The following NRXN3 variants were observed in gnomAD, a reference collection of about 807,000 sequenced individuals.
The protein encoded by NRXN3 is neurexin III.
Under a neutral mutation model 137.6 loss-of-function variants are expected in NRXN3, and 32 were observed. The observed-to-expected ratio is 0.23, with a 90% CI of 0.18 to 0.31. The LOEUF (loss-of-function observed/expected upper bound fraction) is 0.31, where lower values mean the gene tolerates loss of function less well. NRXN3 is among the 10% of genes least tolerant of loss of function. The pLI is 1.00. For missense variants in NRXN3, 1,574 were observed against 2,062.5 expected, an observed-to-expected ratio of 0.76 and a Z score of 4.59; for synonymous variants, 798 against 784.5, an observed-to-expected ratio of 1.02 and a Z score of -0.29.
chr14:79,845,045 G>A (rs1284249635), intron 20 of NRXN3, among the ~76,000 whole-genome samples: 1 of 152,022 alleles, frequency 6.6e-6, no homozygotes. Context: ...TTATGAAGAT[G>A]GCTTTTTTTT....
intron 4 of NRXN3, among the ~76,000 whole-genome samples, chr14:78,333,928 A>G (rs1336432877): frequency 6.6e-6 from 1 of 152,018 alleles, no homozygotes; most frequent in East Asian, 1.9e-4. Flanking sequence ...GTTGGGCTAG[A>G]GTGGCTGCAG....
intron 10 of NRXN3, among the ~76,000 whole-genome samples, chr14:78,931,356 A>G (rs942605940): frequency 6.6e-6 from 1 of 152,188 alleles, no homozygotes; most frequent in Non-Finnish European, 1.5e-5. Flanking sequence ...CCTACCAGCA[A>G]TACTGTTCTC....
At chr14:79,470,100 G>T (rs12147236) in intron 16 of NRXN3, among the ~76,000 whole-genome samples, 1 of 152,136 alleles carries the variant, frequency 6.6e-6, no homozygotes, top group Non-Finnish European at 1.5e-5. Context: ...GAGAGAAAGA[G>T]CTTTGGGGCC....
At chr14:79,600,796 G>A (rs1374527831) in intron 16 of NRXN3, among the ~76,000 whole-genome samples, 4 of 152,026 alleles carry the variant, frequency 2.6e-5, no homozygotes, top group South Asian at 2.1e-4. Context: ...TTGGAAAAAT[G>A]GCTAATTCTA....
At chr14:79,350,660 T>C (rs1566880161) in intron 15 of NRXN3, among the ~76,000 whole-genome samples, 1 of 152,154 alleles carries the variant, frequency 6.6e-6, no homozygotes, top group Non-Finnish European at 1.5e-5. Flanking sequence ...AAGCCCATTT[T>C]CTTGATTCCT....
chr14:78,819,003 G>A (rs1428789261), intron 10 of NRXN3, among the ~76,000 whole-genome samples: 1 of 152,094 alleles, frequency 6.6e-6, no homozygotes, highest in Non-Finnish European at 1.5e-5. Flanking sequence ...CATTTCTCAT[G>A]ATGGGGCCCT....
At chr14:78,399,553 A>G (rs1263010714) in intron 4 of NRXN3, among the ~76,000 whole-genome samples, 1 of 152,098 alleles carries the variant, frequency 6.6e-6, no homozygotes, top group Admixed American at 6.6e-5. Flanking sequence ...AGAATTTTCC[A>G]TTTCTCTGTC....
At chr14:79,860,345 T>C (rs2141938579) in intron 20 of NRXN3, among the ~76,000 whole-genome samples, 1 of 152,346 alleles carries the variant, frequency 6.6e-6, no homozygotes, top group Admixed American at 6.5e-5. Context: ...CATACAAATA[T>C]TAGACTAATG....
At chr14:79,302,434 G>A (rs115765865) in intron 15 of NRXN3, among the ~76,000 whole-genome samples, 3,190 of 151,996 alleles carry the variant, frequency 0.021, 128 homozygotes, top group African/African-American at 0.073. Flanking sequence ...GGGCAGGTAC[G>A]TCACATGGCA....
At chr14:79,786,172 C>T (rs572121982) in intron 19 of NRXN3, among the ~76,000 whole-genome samples, 13 of 152,238 alleles carry the variant, frequency 8.5e-5, no homozygotes, top group African/African-American at 2.2e-4. Context: ...GTGACAGCCA[C>T]AAAAGAGAAT....
At chr14:78,417,182 T>C (rs974629251) in intron 4 of NRXN3, among the ~76,000 whole-genome samples, 1 of 152,216 alleles carries the variant, frequency 6.6e-6, no homozygotes, top group African/African-American at 2.4e-5. Flanking sequence ...TAGCTTAGCT[T>C]ACAAGGCTCT....
At chr14:79,052,451 G>A (rs564244645) in intron 15 of NRXN3, among the ~76,000 whole-genome samples, 40 of 152,236 alleles carry the variant, frequency 2.6e-4, no homozygotes, top group Admixed American at 2.3e-3. Context: ...AAAACCCCTC[G>A]CAGTTACACT....
At chr14:78,436,936 G>C (rs1276015261) in intron 4 of NRXN3, among the ~76,000 whole-genome samples, 4 of 152,230 alleles carry the variant, frequency 2.6e-5, no homozygotes, top group African/African-American at 9.6e-5. Flanking sequence ...TGATGGCTAA[G>C]AGCATGAACT....
chr14:79,258,405 A>G (rs1032408389), intron 15 of NRXN3, among the ~76,000 whole-genome samples: 2 of 151,896 alleles, frequency 1.3e-5, no homozygotes, highest in African/African-American at 4.8e-5. Flanking sequence ...AGGTTTTACC[A>G]TGTTTTCCAG....
intron 15 of NRXN3, among the ~76,000 whole-genome samples, chr14:79,352,734 T>G (rs1478592657): frequency 6.6e-6 from 1 of 152,110 alleles, no homozygotes; most frequent in Non-Finnish European, 1.5e-5. Flanking sequence ...CTCTTCTAAG[T>G]GCTCTGCATA....
intron 17 of NRXN3, among the ~76,000 whole-genome samples, chr14:79,685,147 T>A (rs931471489): frequency 2.0e-4 from 31 of 152,340 alleles, no homozygotes; most frequent in Admixed American, 7.8e-4. Context: ...TTAGTTTAAC[T>A]CTTCTGAATC....
chr14:79,716,359 A>G (rs1189109848), intron 19 of NRXN3, among the ~76,000 whole-genome samples: 2 of 152,246 alleles, frequency 1.3e-5, no homozygotes, highest in East Asian at 3.9e-4. Flanking sequence ...AACAGATCAT[A>G]TAATGGTTAT....
At chr14:79,832,521 A>G (rs1194135470) in intron 20 of NRXN3, among the ~76,000 whole-genome samples, 1 of 152,174 alleles carries the variant, frequency 6.6e-6, no homozygotes, top group Non-Finnish European at 1.5e-5. Context: ...CATATTGTCA[A>G]TTGTCTGGAG....
At chr14:78,254,371 C>G (rs2069145813) in intron 2 of NRXN3, among the ~76,000 whole-genome samples, 1 of 152,106 alleles carries the variant, frequency 6.6e-6, no homozygotes, top group African/African-American at 2.4e-5. Context: ...CCTGGAAATC[C>G]TGAATTTCTC....
Sources: allele counts gnomAD v4.1 joint callset (sites outside exome capture counted in the v4.1 genomes callset), GRCh38; gene constraint gnomAD v4.1.1; transcripts MANE v1.5; gene names NCBI Gene and HGNC (gene_info 2026-07-23, HGNC 2026-07-21).